The following CHCHD6 variants were observed in gnomAD, a reference collection of about 807,000 sequenced individuals.
The protein encoded by CHCHD6 is MICOS complex subunit MIC25.
A neutral mutation model predicts 32.3 loss-of-function variants in CHCHD6; 28 were observed. The observed-to-expected ratio is 0.87, with a 90% CI of 0.64 to 1.19. The LOEUF (loss-of-function observed/expected upper bound fraction) is 1.19. Ranked by LOEUF, CHCHD6 falls within the 50% of genes most tolerant of loss-of-function variation. The pLI, the probability that CHCHD6 is intolerant of heterozygous loss-of-function variation, is 0.00. For missense variants in CHCHD6, 333 were observed against 307.0 expected (o/e 1.08, Z -0.63); for synonymous variants, 122 against 117.5 (o/e 1.04, Z -0.25).
rs576686478 is a variant in CHCHD6, at chr3:126,852,428, T to G, written c.412-219T>G. On this transcript the variant is annotated intron_variant, in intron 4 of 7. Transcript: ENST00000290913. ...ACTCCCATAATCAATAAATGTTATT[T>G]ATCTGTGAAGTGGCTATAGTAATTA... 2.0e-5 allele frequency among the ~76,000 whole-genome samples: 3 copies of G among 152,320 alleles called. No homozygotes were observed. The East Asian group carries it at 5.8e-4, about 29-fold the overall frequency.
At chr3:126,709,452 A>G (rs1158199781) in intron 1 of CHCHD6, among the ~76,000 whole-genome samples, 1 of 152,192 alleles carries the variant, frequency 6.6e-6, no homozygotes, top group Non-Finnish European at 1.5e-5. Context: ...TGTATTTACA[A>G]GTTGTTTTTT....
chr3:126,960,074 G>C (rs1177002558), intron 7 of CHCHD6, 122 bp from the exon 8 acceptor site: 10 of 1,164,298 alleles, frequency 8.6e-6, no homozygotes, highest in Non-Finnish European at 1.1e-5. Flanking sequence ...CTCCAGGTGA[G>C]GAGGGAGACC....
intron 6 of CHCHD6, among the ~76,000 whole-genome samples, chr3:126,921,331 T>C (rs2078243730): frequency 6.6e-6 from 1 of 152,194 alleles, no homozygotes; most frequent in African/African-American, 2.4e-5. Flanking sequence ...CCTCTTGTTT[T>C]GGAAGAATCC....
Position 126,893,212 on chromosome 3 carries a change from CT to C in CHCHD6, c.496-21467del, listed in dbSNP as rs758804442. Among the ~76,000 whole-genome samples, 5 of 152,220 alleles carry C rather than the reference CT, an allele frequency of 3.3e-5. No homozygotes were observed. In the East Asian group the frequency reaches 5.8e-4, roughly 18 times the overall value. On this transcript the variant is annotated intron_variant, in intron 5 of 7. Coordinates refer to ENST00000290913, the MANE Select transcript of CHCHD6 (RefSeq NM_032343.3). ...GGCCTCAAGTGATCTGCTGTCTCGGCTGGCCTCCCAAAGTGCTGGGATTACA... is the reference window on the plus strand; with the variant it reads ...GGCCTCAAGTGATCTGCTGTCTCGGCGGCCTCCCAAAGTGCTGGGATTACA...
chr3:126,781,858 C>T (rs1026262184), intron 4 of CHCHD6, among the ~76,000 whole-genome samples: 2 of 152,184 alleles, frequency 1.3e-5, no homozygotes, highest in African/African-American at 4.8e-5. Flanking sequence ...AAGTCTTTTT[C>T]TTTTCTTGCA....
At chr3:126,783,597 A>G (rs1576410623) in intron 4 of CHCHD6, among the ~76,000 whole-genome samples, 1 of 152,276 alleles carries the variant, frequency 6.6e-6, no homozygotes, top group South Asian at 2.1e-4. Flanking sequence ...GCAGGATGCA[A>G]TATCAACATA....
At position 126,708,650 on chromosome 3, in the gene CHCHD6, G is replaced by GAA. The variant is rs552128932; in HGVS notation, c.87+4267_87+4268dup. Among the ~76,000 whole-genome samples the GAA allele has an allele frequency of 6.6e-3, 599 of 90,966 alleles. 7 individuals carry two copies. Among genetic ancestry groups the GAA allele is most frequent in the African/African-American group, 0.017 (470 of 27,374 alleles). The allele number at this position is 90,966 out of a possible 152,430, so 59.7% of individuals were successfully genotyped here. A position where few individuals can be genotyped will look rare whatever the true frequency, so the allele number is the denominator to read the frequency against. On this transcript the variant is annotated intron_variant, in intron 1 of 7. Transcript: ENST00000290913. ...CCAGTGTAGCAAGACCCCATCTCTT[G>GAA]AAAAAAAAAAAAAAAAAGCTTTATT... is the stretch of plus-strand genomic sequence containing the variant.
chr3:126,762,622 GTTTTC>G (rs1937204587), intron 4 of CHCHD6, among the ~76,000 whole-genome samples: 1 of 152,076 alleles, frequency 6.6e-6, no homozygotes, highest in African/African-American at 2.4e-5. Flanking sequence ...CAAGTCCTCT[GTTTTC>G]TTATTAATCT....
intron 4 of CHCHD6, among the ~76,000 whole-genome samples, chr3:126,802,563 G>A (rs979890329): frequency 6.6e-6 from 1 of 152,214 alleles, no homozygotes; most frequent in African/African-American, 2.4e-5. Context: ...ATGGGACTAT[G>A]TGAAAAGACC....
chr3:126,743,026 A>C (rs1225345147), intron 4 of CHCHD6, among the ~76,000 whole-genome samples: 2 of 152,140 alleles, frequency 1.3e-5, no homozygotes, highest in Non-Finnish European at 1.5e-5. Context: ...GAGGGTGTTC[A>C]TCAGGACAAG....
intron 4 of CHCHD6, among the ~76,000 whole-genome samples, chr3:126,761,565 A>G (rs945842528): frequency 6.6e-6 from 1 of 152,194 alleles, no homozygotes; most frequent in Non-Finnish European, 1.5e-5. Flanking sequence ...ATCTGGGACT[A>G]TAGGCATGCA....
intron 4 of CHCHD6, among the ~76,000 whole-genome samples, chr3:126,810,096 A>G (rs931026711): frequency 3.9e-5 from 6 of 152,236 alleles, no homozygotes; most frequent in Admixed American, 2.6e-4. Context: ...CAACACTGGA[A>G]GCTACAAGAC....
At chr3:126,919,707 G>T (rs1576603118) in intron 6 of CHCHD6, among the ~76,000 whole-genome samples, 3 of 129,672 alleles carry the variant, frequency 2.3e-5, no homozygotes, top group Admixed American at 8.2e-5. Context: ...CCTTCATTTT[G>T]AAAAATATAG....
At chr3:126,749,861 T>A (rs1270307958) in intron 4 of CHCHD6, among the ~76,000 whole-genome samples, 2 of 152,210 alleles carry the variant, frequency 1.3e-5, no homozygotes, top group African/African-American at 4.8e-5. Flanking sequence ...GTCTAGACAG[T>A]GTAGCTGGAT....
chr3:126,898,162 C>T (rs1390061076), intron 5 of CHCHD6, among the ~76,000 whole-genome samples: 3 of 152,378 alleles, frequency 2.0e-5, no homozygotes, highest in Non-Finnish European at 2.9e-5. Context: ...GCCGCCAGCC[C>T]GGCTCGCACC....
intron 4 of CHCHD6, among the ~76,000 whole-genome samples, chr3:126,808,971 T>TC (rs1388748895): frequency 8.6e-6 from 1 of 116,024 alleles, no homozygotes; most frequent in East Asian, 2.2e-4. Flanking sequence ...CTTTGAGTGG[T>TC]CTTTTTTTTT....
chr3:126,767,255 G>C, intron 4 of CHCHD6: 1 of 1,408,832 alleles, frequency 7.1e-7, no homozygotes, highest in Non-Finnish European at 1.0e-6. Context: ...GCTGGGGATA[G>C]TGTCTGTCAG....
intron 1 of CHCHD6, among the ~76,000 whole-genome samples, chr3:126,705,066 C>G (rs1026898463): frequency 1.3e-5 from 2 of 152,152 alleles, no homozygotes; most frequent in Non-Finnish European, 2.9e-5. Flanking sequence ...TGGAGGGTGC[C>G]GCTGGCTCAG....
At chr3:126,891,471 C>T (rs1360461609) in intron 5 of CHCHD6, among the ~76,000 whole-genome samples, 1 of 152,076 alleles carries the variant, frequency 6.6e-6, no homozygotes, top group Non-Finnish European at 1.5e-5. Flanking sequence ...CAGTGAGGGG[C>T]AAGAGGGCCC....
Sources: allele counts gnomAD v4.1 joint callset (sites outside exome capture counted in the v4.1 genomes callset), GRCh38; gene constraint gnomAD v4.1.1; transcripts MANE v1.5; gene names NCBI Gene and HGNC (gene_info 2026-07-23, HGNC 2026-07-21).